Variants in NQO2 observed in about 807,000 individuals in gnomAD.
NQO2 encodes N-ribosyldihydronicotinamide:quinone dehydrogenase 2, also known as ribosyldihydronicotinamide dehydrogenase [quinone].
A neutral mutation model predicts 22.0 loss-of-function variants in NQO2; 18 were observed. The observed-to-expected ratio is 0.82, with a 90% CI of 0.56 to 1.21. NQO2 has a LOEUF of 1.21. Ranked by LOEUF, NQO2 falls within the 50% of genes most tolerant of loss-of-function variation. The pLI is 0.00. For missense variants in NQO2, 267 were observed against 286.9 expected (o/e 0.93, Z 0.50); for synonymous variants, 106 against 110.8 (o/e 0.96, Z 0.28).
chr6:3,011,362 G>T (rs933365998), intron 3 of NQO2, among the ~76,000 whole-genome samples: 3 of 152,184 alleles, frequency 2.0e-5, no homozygotes, highest in Admixed American at 1.3e-4. Flanking sequence ...TGAAGCAGAA[G>T]AAAAAATCAG....
At chr6:3,008,816 G>A (rs143031639) in intron 2 of NQO2, among the ~76,000 whole-genome samples, 7,826 of 152,226 alleles carry the variant, frequency 0.051, 254 homozygotes, top group Admixed American at 0.12. Flanking sequence ...CCCCCAAGCC[G>A]TAAAACCAGC....
intron 1 of NQO2, chr6:3,005,912 T>A: frequency 1.6e-6 from 1 of 623,266 alleles, no homozygotes; most frequent in Non-Finnish European, 2.0e-6. Flanking sequence ...TTGCACCAAG[T>A]CTGTCTGATG....
intron 6 of NQO2, 165 bp from the exon 7 acceptor site, chr6:3,019,314 C>G: frequency 1.0e-6 from 1 of 980,216 alleles, no homozygotes; most frequent in Non-Finnish European, 1.2e-6. Context: ...AGGCTGTGTC[C>G]TAAAGCCATA....
chr6:3,007,091 T>C (rs1756976361), intron 2 of NQO2, among the ~76,000 whole-genome samples: 1 of 152,184 alleles, frequency 6.6e-6, no homozygotes, highest in African/African-American at 2.4e-5. Flanking sequence ...CTCTATACAT[T>C]ATGGTGTAGA....
chr6:3,005,895 C>A, intron 1 of NQO2: 1 of 794,752 alleles, frequency 1.3e-6, no homozygotes, highest in Non-Finnish European at 1.5e-6. Context: ...ATGGGCAGAG[C>A]TGGAAATTGC....
chr6:3,009,013 A>G (rs1757052216), intron 2 of NQO2, among the ~76,000 whole-genome samples: 1 of 152,174 alleles, frequency 6.6e-6, no homozygotes, highest in South Asian at 2.1e-4. Flanking sequence ...GTCATTGAGA[A>G]CATCTTATCA....
chr6:3,012,394 G>T, intron 3 of NQO2, 150 bp from the exon 4 acceptor site: 1 of 1,444,548 alleles, frequency 6.9e-7, no homozygotes, highest in Non-Finnish European at 9.1e-7. Context: ...TCTTTCCCTA[G>T]CTCGGACCCA....
intron 1 of NQO2, among the ~76,000 whole-genome samples, chr6:3,002,497 A>G (rs992940398): frequency 2.0e-5 from 3 of 151,992 alleles, no homozygotes; most frequent in Non-Finnish European, 4.4e-5. Flanking sequence ...TTTAGTAGAG[A>G]TGGTGTTTTG....
At chr6:3,004,849 A>G (rs1756886176) in intron 1 of NQO2, among the ~76,000 whole-genome samples, 1 of 152,056 alleles carries the variant, frequency 6.6e-6, no homozygotes, top group African/African-American at 2.4e-5. Context: ...AAAATTGACC[A>G]TTTTAACCAC....
At chr6:3,002,151 A>T in intron 1 of NQO2, 1 of 953,502 alleles carries the variant, frequency 1.0e-6, no homozygotes, top group South Asian at 4.8e-5. Flanking sequence ...AGCTGGGGAC[A>T]CTGAAGAATG....
At chr6:3,013,269 T>G (rs1158852436) in intron 4 of NQO2, among the ~76,000 whole-genome samples, 1 of 152,130 alleles carries the variant, frequency 6.6e-6, no homozygotes, top group African/African-American at 2.4e-5. Context: ...TAACACTACT[T>G]TAAACACTTT....
intron 6 of NQO2, among the ~76,000 whole-genome samples, chr6:3,018,085 A>G (rs188877723): frequency 6.6e-6 from 1 of 152,296 alleles, no homozygotes; most frequent in East Asian, 1.9e-4. Flanking sequence ...GTCTTCAATT[A>G]TATCTTCTAA....
chr6:3,012,767 C>A, intron 4 of NQO2, 93 bp downstream of exon 4: 2 of 1,349,910 alleles, frequency 1.5e-6, no homozygotes, highest in Non-Finnish European at 1.0e-6. Context: ...CTGGAAGTGG[C>A]ATCAATGTTT....
At position 3,019,636 on chromosome 6, in the gene NQO2, A is replaced by C. The variant is rs746166806; in HGVS notation, c.677A>C (p.His226Pro). 2 of 1,610,330 alleles carry C rather than the reference A, an allele frequency of 1.2e-6. No individual in the cohort carries two copies. The highest frequency in any genetic ancestry group is 1.7e-6 in the Non-Finnish European group (2 of 1,177,788). ...WKEEPIPCTAHWHFGQ is the reference protein window; with the variant it reads ...WKEEPIPCTAPWHFGQ ...GAAGAGCCCATCCCCTGCACAGCCCACTGGCACTTCGGGCAATAACTCTGT... is the reference window on the plus strand; with the variant it reads ...GAAGAGCCCATCCCCTGCACAGCCCCCTGGCACTTCGGGCAATAACTCTGT... The change falls in exon 7 of 7, where the codon CAC becomes CCC. Residue 226 changes from histidine (H) to proline (P), a missense_variant. By Grantham distance (77) the His-to-Pro change is moderately conservative. Transcript: ENST00000380455.
At chr6:3,015,670 A>C (rs745787906) in intron 5 of NQO2, 27 bp downstream of exon 5, 2 of 1,605,762 alleles carry the variant, frequency 1.2e-6, no homozygotes, top group Non-Finnish European at 8.5e-7. Context: ...AAGGATCACT[A>C]TGGATAGTTG....
intron 1 of NQO2, among the ~76,000 whole-genome samples, chr6:3,002,459 C>A (rs1481256411): frequency 6.6e-6 from 1 of 152,140 alleles, no homozygotes. Context: ...CAGGCACATG[C>A]CACCATACCC....
At position 3,006,141 on chromosome 6, in the gene NQO2, C is replaced by A. The variant is rs905964949; in HGVS notation, c.-85-327C>A. The stretch of plus-strand genomic sequence containing the variant: ...CTGATCCCCCAGCCTTCTGCTCGAT[C>A]TACGGGGAAAACTGGGGAAGGCAGG... On this transcript the variant is annotated intron_variant, in intron 1 of 6. Coordinates refer to ENST00000380455, the MANE Select transcript of NQO2 (RefSeq NM_000904.6). This position sits in a 1 kb window ranked among gnomAD's most constrained non-coding sequence, Gnocchi z 4.0. 3.3e-5 allele frequency among the ~76,000 whole-genome samples: 5 copies of A among 152,230 alleles called. No individual in the cohort carries two copies. Among genetic ancestry groups the A allele is most frequent in the Non-Finnish European group, 7.3e-5 (5 of 68,036 alleles).
chr6:3,018,419 C>T (rs571828096), intron 6 of NQO2, among the ~76,000 whole-genome samples: 51 of 152,288 alleles, frequency 3.3e-4, no homozygotes, highest in Non-Finnish European at 5.7e-4. Context: ...GCAGCAGAAT[C>T]GCTTGAACCT....
chr6:3,015,294 G>A, intron 4 of NQO2: 2 of 1,454,556 alleles, frequency 1.4e-6, no homozygotes, highest in Admixed American at 4.2e-5. Flanking sequence ...ATCAGGGGCT[G>A]TCATCACTGG....
Sources: gnomAD v4.1 joint callset for allele counts (sites outside exome capture counted in the v4.1 genomes callset) on GRCh38, gnomAD v4.1.1 for gene constraint, Gnocchi (gnomAD v3.1) non-coding constraint, MANE v1.5 for transcripts, NCBI Gene and HGNC (gene_info 2026-07-23, HGNC 2026-07-21) for gene names.